CRTAP: variants seen among roughly 807,000 people sequenced by gnomAD.
CRTAP encodes the protein cartilage-associated protein.
A neutral mutation model predicts 42.7 loss-of-function variants in CRTAP; 33 were observed. The ratio of observed to expected loss-of-function variants is 0.77; its 90% CI spans 0.59 to 1.03. The LOEUF is 1.03. Ranked by LOEUF, CRTAP falls within the 50% of genes least tolerant of loss-of-function variation. The pLI, the probability that CRTAP is intolerant of heterozygous loss-of-function variation, is 0.00. For missense variants in CRTAP, 613 were observed against 533.9 expected (o/e 1.15, Z -1.46); for synonymous variants, 243 against 217.7 (o/e 1.12, Z -1.02).
chr3:33,139,183 A>G (rs1470419638), intron 6 of CRTAP, among the ~76,000 whole-genome samples: 1 of 151,970 alleles, frequency 6.6e-6, no homozygotes, highest in Non-Finnish European at 1.5e-5. Context: ...CACATCTGTA[A>G]TCCTAGCTAC....
At chr3:33,123,718 C>T (rs2029971611) in intron 2 of CRTAP, among the ~76,000 whole-genome samples, 1 of 149,912 alleles carries the variant, frequency 6.7e-6, no homozygotes, top group Non-Finnish European at 1.5e-5. Flanking sequence ...CCACCTCCGC[C>T]TCCTAGGTTC....
intron 2 of CRTAP, among the ~76,000 whole-genome samples, chr3:33,123,167 C>T (rs1459178451): frequency 1.3e-5 from 2 of 152,234 alleles, no homozygotes; most frequent in Admixed American, 6.5e-5. Flanking sequence ...ATGTGGTTGC[C>T]CTTCCTAGTA....
In CRTAP at chr3:33,143,218, T is replaced by C. The variant is rs901703641; in HGVS notation, c.*770T>C. On this transcript the variant is annotated 3_prime_UTR_variant, in exon 7 of 7. Coordinates refer to ENST00000320954, the MANE Select transcript of CRTAP (RefSeq NM_006371.5). Reference sequence around the variant, plus strand: ...TTGCTTTTCCAGATTTTAGTCTCCTTTCTCCCCATCCGGGAAAGATGGTGG... The same window carrying C: ...TTGCTTTTCCAGATTTTAGTCTCCTCTCTCCCCATCCGGGAAAGATGGTGG... 1 of 152,290 alleles carries C rather than the reference T, an allele frequency of 6.6e-6. No homozygotes were observed. Among genetic ancestry groups the C allele is most frequent in the Non-Finnish European group, 1.5e-5 (1 of 68,068 alleles). 9.4% of individuals were successfully genotyped at this position (152,290 alleles called of 1,614,324 possible). A position where few individuals can be genotyped will look rare whatever the true frequency, so the allele number is the denominator to read the frequency against.
chr3:33,125,565 CAGAG>C (rs938440307), intron 3 of CRTAP, among the ~76,000 whole-genome samples: 2 of 94,102 alleles, frequency 2.1e-5, no homozygotes, highest in Non-Finnish European at 3.9e-5. Context: ...ACACAAAAAA[CAGAG>C]AGAAGAGTAG....
At chr3:33,133,086 T>A (rs545346099) in intron 5 of CRTAP, among the ~76,000 whole-genome samples, 1 of 152,162 alleles carries the variant, frequency 6.6e-6, no homozygotes, top group Admixed American at 6.5e-5. Flanking sequence ...GTTTTGTGCA[T>A]GTGTGTGTTT....
intron 3 of CRTAP, among the ~76,000 whole-genome samples, chr3:33,126,306 C>T (rs1175310362): frequency 6.6e-6 from 1 of 152,166 alleles, no homozygotes; most frequent in Non-Finnish European, 1.5e-5. Context: ...TCTTTTATGG[C>T]TCGTTTAATC....
At chr3:33,137,605 C>T (rs1390183742) in intron 6 of CRTAP, among the ~76,000 whole-genome samples, 1 of 152,082 alleles carries the variant, frequency 6.6e-6, no homozygotes, top group Non-Finnish European at 1.5e-5. Context: ...TTATAAGTTC[C>T]TTATCAGATA....
At chr3:33,124,368 G>A (rs1487925759) in intron 2 of CRTAP, 40 bp from the exon 3 acceptor site, 16 of 1,612,310 alleles carry the variant, frequency 9.9e-6, no homozygotes, top group Middle Eastern at 4.0e-4. Flanking sequence ...CTCCCTTCAC[G>A]CCCAAGAGCG....
intron 6 of CRTAP, among the ~76,000 whole-genome samples, chr3:33,136,653 G>A (rs1213462692): frequency 6.6e-6 from 1 of 152,146 alleles, no homozygotes; most frequent in Non-Finnish European, 1.5e-5. Flanking sequence ...TTCTGGTGAG[G>A]TCTCAGGAAG....
chr3:33,117,804 T>C (rs1361104708), intron 1 of CRTAP, among the ~76,000 whole-genome samples: 1 of 152,212 alleles, frequency 6.6e-6, no homozygotes, highest in Admixed American at 6.5e-5. Flanking sequence ...AGAGGTTTGG[T>C]AGCCAAGATG....
In CRTAP at chr3:33,120,510, A is replaced by G; in HGVS notation, c.621+17A>G. On this transcript the variant is annotated intron_variant, in intron 2 of 6. Transcript: ENST00000320954. ...TCATATGAAGTATGTTTGGATTTTTATGTGGCAGTTAGTGGCAACCTGGAC... is the reference window on the plus strand; with the variant it reads ...TCATATGAAGTATGTTTGGATTTTTGTGTGGCAGTTAGTGGCAACCTGGAC... 6.3e-7 allele frequency: 1 copy of G among 1,594,228 alleles called. No homozygotes were observed. Among genetic ancestry groups the G allele is most frequent in the African/African-American group, 1.3e-5 (1 of 74,344 alleles).
intron 3 of CRTAP, among the ~76,000 whole-genome samples, chr3:33,125,292 G>A (rs2030025393): frequency 6.6e-6 from 1 of 152,120 alleles, no homozygotes; most frequent in Non-Finnish European, 1.5e-5. Context: ...TCATGTCTAT[G>A]TACTTGTAAA....
intron 4 of CRTAP, among the ~76,000 whole-genome samples, chr3:33,130,520 CTTTTCTTTTTT>C (rs2030223921): frequency 8.6e-6 from 1 of 116,868 alleles, no homozygotes; most frequent in African/African-American, 3.2e-5. Context: ...TCTTTCTTTT[CTTTTCTTTTTT>C]TTTTTTTTTT....
In CRTAP at chr3:33,114,389, C is replaced by T. The variant is rs904096765; in HGVS notation, c.312C>T (p.Pro104=). The T allele has an allele frequency of 3.3e-6, 5 of 1,533,932 alleles. No individual in the cohort carries two copies. The highest frequency in any genetic ancestry group is 2.5e-5 in the East Asian group (1 of 39,810). The change falls in exon 1 of 7, where the codon CCC becomes CCT. Residue 104 remains proline, a synonymous_variant. Transcript: ENST00000320954. ...PEPAAGLASY[P]ELRLFGGLLR... Reference sequence around the variant, plus strand: ...CCGCCGCCGGCCTCGCCAGCTATCCCGAGCTGCGCCTCTTCGGGGGCCTGC... The same window carrying T: ...CCGCCGCCGGCCTCGCCAGCTATCCTGAGCTGCGCCTCTTCGGGGGCCTGC...
chr3:33,114,970 G>C lies in CRTAP; in HGVS notation c.471+422G>C, dbSNP rs542780743. Among the ~76,000 whole-genome samples the C allele has an allele frequency of 1.6e-4, 24 of 152,262 alleles. No individual in the cohort carries two copies. In the South Asian group the frequency reaches 3.5e-3, roughly 22 times the overall value. ...TTTATTTTTATTTTTTGTTGAGACA[G>C]GGTCTCACAGTCGCCCAGGCTGGAG... On this transcript the variant is annotated intron_variant, in intron 1 of 6. Transcript: ENST00000320954.
At chr3:33,129,869 G>T in intron 3 of CRTAP, 70 bp from the exon 4 acceptor site, 1 of 1,482,038 alleles carries the variant, frequency 6.7e-7, no homozygotes, top group Non-Finnish European at 9.4e-7. Flanking sequence ...TTTTCATTTG[G>T]GCAGGAGGCA....
In CRTAP at chr3:33,130,040, C is replaced by T; in HGVS notation, c.895C>T (p.His299Tyr). 1 of 1,613,768 alleles carries T rather than the reference C, an allele frequency of 6.2e-7. No homozygotes were observed. Among genetic ancestry groups the T allele is most frequent in the East Asian group, 2.2e-5 (1 of 44,878 alleles). Reference protein sequence around the residue: ...PVEKFVATMYHYLQFAYYKLN... With the variant: ...PVEKFVATMYYYLQFAYYKLN... ...TGAGAAATTTGTGGCTACCATGTAT[C>T]ATTACTTGCAGTTTGCCTATTATAA... The change falls in exon 4 of 7, where the codon CAT becomes TAT. Residue 299 changes from histidine (H) to tyrosine (Y), a missense_variant. By Grantham distance (83) the His-to-Tyr change is moderately conservative (BLOSUM62 2). Transcript: ENST00000320954.
In CRTAP at chr3:33,124,390, C is replaced by T. The variant is rs2125600371; in HGVS notation, c.622-18C>T. 5 of 1,613,746 alleles carry T rather than the reference C, an allele frequency of 3.1e-6. No individual in the cohort carries two copies. Among genetic ancestry groups the T allele is most frequent in the Non-Finnish European group, 4.2e-6 (5 of 1,180,024 alleles). On this transcript the variant is annotated intron_variant, in intron 2 of 6. Transcript: ENST00000320954. ...CACGCCCAAGAGCGAGCTTCACTGG[C>T]TTCTCCATGCCTTTCAGAGCCTGTT...
At chr3:33,119,363 C>T (rs780686703) in intron 1 of CRTAP, among the ~76,000 whole-genome samples, 114 of 152,224 alleles carry the variant, frequency 7.5e-4, no homozygotes, top group Non-Finnish European at 1.2e-3. Context: ...GGGAGATAGA[C>T]GTACCACTGA....
Sources: allele counts gnomAD v4.1 joint callset (sites outside exome capture counted in the v4.1 genomes callset), GRCh38; gene constraint gnomAD v4.1.1; transcripts MANE v1.5; gene names NCBI Gene and HGNC (gene_info 2026-07-23, HGNC 2026-07-21).